Variants in PCDH12 observed in about 807,000 individuals in gnomAD.
The protein encoded by PCDH12 is protocadherin-12.
A neutral mutation model predicts 70.9 loss-of-function variants in PCDH12; 45 were observed. That is an observed-to-expected ratio of 0.63 (90% CI 0.50 to 0.81). The LOEUF (loss-of-function observed/expected upper bound fraction) is 0.81. Ranked by LOEUF, PCDH12 falls within the 40% of genes least tolerant of loss-of-function variation. The pLI, the probability that PCDH12 is intolerant of heterozygous loss-of-function variation, is 0.00. For missense variants in PCDH12, 1,370 were observed against 1,491.7 expected (o/e 0.92, Z 1.34); for synonymous variants, 567 against 626.0 (o/e 0.91, Z 1.41).
chr5:141,945,675 G>C lies in PCDH12; in HGVS notation c.3261C>G (p.Phe1087Leu), dbSNP rs940753620. ...GTGCCTCTGCCTTGCCGAACGTCTG[G>C]AAGGTCCTTGGCTCCTCCGTGGCTG... The part of the protein sequence containing the change: ...DAAATEEPRT[F>L]QTFGKAEAPE... Residue 1087 changes from phenylalanine to leucine, a missense_variant, in exon 4 of 4, where the codon TTC becomes TTG. Phe to Leu is a conservative substitution (Grantham distance 22, BLOSUM62 0). Transcript: ENST00000231484. The C allele has an allele frequency of 2.5e-6, 4 of 1,614,246 alleles. No homozygotes were observed. The Admixed American group carries it at 6.7e-5, about 27-fold the overall frequency.
rs766844969 is a variant in PCDH12, at chr5:141,945,615, G to A, written c.3321C>T (p.Ser1107=). The A allele has an allele frequency of 6.2e-7, 1 of 1,614,204 alleles. No homozygotes were observed. The highest frequency in any genetic ancestry group is 1.1e-5 in the South Asian group (1 of 91,082). The change falls in exon 4 of 4, where the codon AGC becomes AGT. Residue 1107 remains serine, a synonymous_variant. Transcript: ENST00000231484. ...GTGAGCTCATCTCCGAGACAAAGGT[G>A]CTGGCCAGCCTCGTGCCTGTTGGGC... is the stretch of plus-strand genomic sequence containing the variant. ...ELSPTGTRLA[S]TFVSEMSSLL...
Position 141,958,026 on chromosome 5 carries a change from G to T in PCDH12, c.-175C>A. 1 of 708,280 alleles carries T rather than the reference G, an allele frequency of 1.4e-6. No homozygotes were observed. Among genetic ancestry groups the T allele is most frequent in the Non-Finnish European group, 2.3e-6 (1 of 439,288 alleles). 43.9% of individuals were successfully genotyped at this position (708,280 alleles called of 1,614,324 possible). A position where few individuals can be genotyped will look rare whatever the true frequency, so the allele number is the denominator to read the frequency against. On this transcript the variant is annotated 5_prime_UTR_variant, in exon 1 of 4. Transcript: ENST00000231484. Reference sequence around the variant, plus strand: ...GAAACAAGCAGGACCCCAAGGCAAGGCCATCTTCATTGGAAGCGATCTGAG... The same window carrying T: ...GAAACAAGCAGGACCCCAAGGCAAGTCCATCTTCATTGGAAGCGATCTGAG...
At position 141,945,728 on chromosome 5, in the gene PCDH12, G is replaced by A. The variant is rs756063059; in HGVS notation, c.3208C>T (p.Arg1070Cys). 17 of 1,614,120 alleles carry A rather than the reference G, an allele frequency of 1.1e-5. No homozygotes were observed. In the African/African-American group the frequency reaches 1.2e-4, roughly 11 times the overall value. ...RLSLPLTTNY[R>C]DNVISPDAAA... The stretch of plus-strand genomic sequence containing the variant: ...GCATCCGGGGAGATCACATTGTCAC[G>A]GTAGTTGGTGGTGAGGGGCAAAGAG... Residue 1070 changes from arginine (R) to cysteine (C), a missense_variant, in exon 4 of 4, where the codon CGT becomes TGT. Physicochemically the swap from Arg to Cys is radical, Grantham distance 180 (BLOSUM62 -3). Transcript: ENST00000231484.
At chr5:141,946,887 A>T (rs970318222) in intron 3 of PCDH12, among the ~76,000 whole-genome samples, 7 of 136,136 alleles carry the variant, frequency 5.1e-5, no homozygotes, top group South Asian at 2.6e-4. Context: ...GTTAAGAAAC[A>T]GTGTCTTAAA....
Position 141,957,428 on chromosome 5 carries a change from G to C in PCDH12, c.424C>G (p.Leu142Val). Reference protein sequence around the residue: ...QPRFPKGEQELEISESASLRT... With the variant: ...QPRFPKGEQEVEISESASLRT... ...AGAGAGGCGCTCTCAGAGATTTCCA[G>C]CTCCTGCTCGCCTTTGGGAAACCGT... The change falls in exon 1 of 4, where the codon CTG becomes GTG. Residue 142 changes from leucine to valine, a missense_variant. By Grantham distance (32) the Leu-to-Val change is conservative (BLOSUM62 1). Coordinates refer to ENST00000231484, the MANE Select transcript of PCDH12 (RefSeq NM_016580.4). The surrounding 1 kb of genome is among the most constrained non-coding windows in gnomAD (Gnocchi z 4.3). The C allele has an allele frequency of 6.2e-7, 1 of 1,612,664 alleles. No individual in the cohort carries two copies. The highest frequency in any genetic ancestry group is 8.5e-7 in the Non-Finnish European group (1 of 1,179,316).
rs1752862855 is a variant in PCDH12 at position 141,944,817 on chromosome 5, G to C, written c.*564C>G. ...GGGGAACAGGGGTAAGAGCACACATGTCTGCTATTTGTGTACCTGTTACTG... is the reference window on the plus strand; with the variant it reads ...GGGGAACAGGGGTAAGAGCACACATCTCTGCTATTTGTGTACCTGTTACTG... On this transcript the variant is annotated 3_prime_UTR_variant, in exon 4 of 4. Coordinates refer to ENST00000231484, the MANE Select transcript of PCDH12 (RefSeq NM_016580.4). 1 of 153,368 alleles carries C rather than the reference G, an allele frequency of 6.5e-6. No individual in the cohort carries two copies. Among genetic ancestry groups the C allele is most frequent in the Non-Finnish European group, 1.5e-5 (1 of 68,946 alleles). The allele number at this position is 153,368 out of a possible 1,614,324, so 9.5% of individuals were successfully genotyped here.
chr5:141,949,112 T>C (rs1753017898), intron 3 of PCDH12, among the ~76,000 whole-genome samples: 1 of 151,198 alleles, frequency 6.6e-6, no homozygotes, highest in South Asian at 2.1e-4. Flanking sequence ...TAGTCCCAGC[T>C]ACTTGGGAGG....
At position 141,943,684 on chromosome 5, in the gene PCDH12, G is replaced by A. The variant is rs1432844918; in HGVS notation, c.*1697C>T. Reference sequence around the variant, plus strand: ...TTGCTTTGTAGCAGGCACCTGGCTGGTCAGGCTGGAGACCCTGCCTGCCTG... The same window carrying A: ...TTGCTTTGTAGCAGGCACCTGGCTGATCAGGCTGGAGACCCTGCCTGCCTG... On this transcript the variant is annotated 3_prime_UTR_variant, in exon 4 of 4. Transcript: ENST00000231484. 1.3e-5 allele frequency: 2 copies of A among 152,102 alleles called. No homozygotes were observed. Among genetic ancestry groups the A allele is most frequent in the African/African-American group, 4.8e-5 (2 of 41,406 alleles). The allele number at this position is 152,102 out of a possible 1,614,324, so 9.4% of individuals were successfully genotyped here. A position where few individuals can be genotyped will look rare whatever the true frequency, so the allele number is the denominator to read the frequency against.
At chr5:141,949,355 G>T in intron 3 of PCDH12, 77 bp downstream of exon 3, 1 of 1,504,580 alleles carries the variant, frequency 6.6e-7, no homozygotes. Context: ...TTTCCCTGCA[G>T]TGGATTGGAG....
At position 141,944,650 on chromosome 5, in the gene PCDH12, C is replaced by T. The variant is rs1230336272; in HGVS notation, c.*731G>A. On this transcript the variant is annotated 3_prime_UTR_variant, in exon 4 of 4. Transcript: ENST00000231484. ...CTGTGAAATGGGGTTAATAATACCT[C>T]CCTCCCAGGATTGTTGGAAAATCAA... 1 of 152,214 alleles carries T rather than the reference C, an allele frequency of 6.6e-6. No homozygotes were observed. Among genetic ancestry groups the T allele is most frequent in the East Asian group, 1.9e-4 (1 of 5,200 alleles). The allele number at this position is 152,214 out of a possible 1,614,324, so 9.4% of individuals were successfully genotyped here. A position where few individuals can be genotyped will look rare whatever the true frequency, so the allele number is the denominator to read the frequency against.
rs1752848284 is a variant in PCDH12, at chr5:141,944,258, C to T, written c.*1123G>A. On this transcript the variant is annotated 3_prime_UTR_variant, in exon 4 of 4. Coordinates refer to ENST00000231484, the MANE Select transcript of PCDH12 (RefSeq NM_016580.4). Reference sequence around the variant, plus strand: ...GCAATGACAGAGGAAGGTTTACCCGCAAATGGGGTTGGGAAAGATGACATC... The same window carrying T: ...GCAATGACAGAGGAAGGTTTACCCGTAAATGGGGTTGGGAAAGATGACATC... 1 of 152,194 alleles carries T rather than the reference C, an allele frequency of 6.6e-6. No individual in the cohort carries two copies. The highest frequency in any genetic ancestry group is 1.5e-5 in the Non-Finnish European group (1 of 68,054). The allele number at this position is 152,194 out of a possible 1,614,324, so 9.4% of individuals were successfully genotyped here.
Position 141,956,235 on chromosome 5 carries a change from G to C in PCDH12, c.1617C>G (p.Asp539Glu). The C allele has an allele frequency of 6.2e-7, 1 of 1,614,212 alleles. No individual in the cohort carries two copies. Among genetic ancestry groups the C allele is most frequent in the Non-Finnish European group, 8.5e-7 (1 of 1,180,028 alleles). Residue 539 changes from aspartate (D) to glutamate (E), a missense_variant, in exon 1 of 4, where the codon GAC becomes GAG. Transcript: ENST00000231484. Reference sequence around the variant, plus strand: ...TGGATGCAAGCATGGGTTGCCCGCTGTCCTCTGCGATCACCTGGAACTCAA... The same window carrying C: ...TGGATGCAAGCATGGGTTGCCCGCTCTCCTCTGCGATCACCTGGAACTCAA... Reference protein sequence around the residue: ...AGFEFQVIAEDSGQPMLASSV... With the variant: ...AGFEFQVIAEESGQPMLASSV...
chr5:141,947,289 T>G (rs1266072963), intron 3 of PCDH12, among the ~76,000 whole-genome samples: 1 of 152,254 alleles, frequency 6.6e-6, no homozygotes, highest in Non-Finnish European at 1.5e-5. Flanking sequence ...TGAACATAAA[T>G]ATTAACCTTC....
rs902920631 is a variant in PCDH12, at chr5:141,957,111, A to G, written c.741T>C (p.Ser247=). The G allele has an allele frequency of 5.0e-6, 8 of 1,613,772 alleles. No homozygotes were observed. In the Admixed American group the frequency reaches 6.7e-5, roughly 13 times the overall value. ...SNDNSPAFAE[S]SLALEIQEDA... is the part of the protein sequence containing the mutation. ...CTTCTTGGATTTCCAGTGCCAGTGA[A>G]CTCTCAGCAAACGCAGGGCTATTGT... The change falls in exon 1 of 4, where the codon AGT becomes AGC. Residue 247 remains serine (S), a synonymous_variant. Coordinates refer to ENST00000231484, the MANE Select transcript of PCDH12 (RefSeq NM_016580.4). This position sits in a 1 kb window ranked among gnomAD's most constrained non-coding sequence, Gnocchi z 4.3.
rs772078013 is a variant in PCDH12 at position 141,956,683 on chromosome 5, T to C, written c.1169A>G (p.His390Arg). ...DLDSGHNGLV[H>R]CWLSQELGHF... ...GCCCAGCTCTTGGCTCAGCCAGCAG[T>C]GGACCAAACCATTGTGTCCTGAATC... is the stretch of plus-strand genomic sequence containing the variant. The change falls in exon 1 of 4, where the codon CAC (histidine) becomes CGC (arginine). Residue 390 changes from histidine (H) to arginine (R), a missense_variant. By Grantham distance (29) the His-to-Arg change is conservative. Coordinates refer to ENST00000231484, the MANE Select transcript of PCDH12 (RefSeq NM_016580.4). The C allele has an allele frequency of 1.9e-6, 3 of 1,614,232 alleles. No homozygotes were observed. Among genetic ancestry groups the C allele is most frequent in the South Asian group, 1.1e-5 (1 of 91,086 alleles).
At chr5:141,954,949 A>G in intron 1 of PCDH12, 23 bp downstream of exon 1, 1 of 1,593,078 alleles carries the variant, frequency 6.3e-7, no homozygotes, top group Non-Finnish European at 8.6e-7. Flanking sequence ...GACCAGAGAA[A>G]GAGCTGCCCA....
Position 141,956,428 on chromosome 5 carries a change from G to A in PCDH12, c.1424C>T (p.Pro475Leu). 6.2e-7 allele frequency: 1 copy of A among 1,614,180 alleles called. No individual in the cohort carries two copies. The highest frequency in any genetic ancestry group is 8.5e-7 in the Non-Finnish European group (1 of 1,180,034). The part of the protein sequence containing the change: ...YEVSTRENNL[P>L]SLHLITIKAH... ...CTTGATGGTAATGAGGTGAAGAGAG[G>A]GTAAGTTGTTTTCCCGCGTGGAGAC... Residue 475 changes from proline to leucine, a missense_variant, in exon 1 of 4, where the codon CCC (proline) becomes CTC (leucine). Physicochemically the swap from Pro to Leu is moderately conservative, Grantham distance 98. Transcript: ENST00000231484.
Position 141,955,181 on chromosome 5 carries a change from C to G in PCDH12, c.2671G>C (p.Ala891Pro). 1.2e-6 allele frequency: 2 copies of G among 1,614,208 alleles called. No individual in the cohort carries two copies. Among genetic ancestry groups the G allele is most frequent in the Non-Finnish European group, 1.7e-6 (2 of 1,180,038 alleles). Reference protein sequence around the residue: ...KVAGSPTGRLAGDQGSEEAPQ... With the variant: ...KVAGSPTGRLPGDQGSEEAPQ... ...GCTTCCTCACTGCCCTGGTCTCCAG[C>G]CAGCCTCCCTGTGGGGCTGCCTGCA... is the stretch of plus-strand genomic sequence containing the variant. The change falls in exon 1 of 4, where the codon GCT becomes CCT. Residue 891 changes from alanine (A) to proline (P), a missense_variant. Coordinates refer to ENST00000231484, the MANE Select transcript of PCDH12 (RefSeq NM_016580.4). This position sits in a 1 kb window ranked among gnomAD's most constrained non-coding sequence, Gnocchi z 5.5.
chr5:141,943,708 T>C lies in PCDH12; in HGVS notation c.*1673A>G, dbSNP rs1752830350. The C allele has an allele frequency of 6.6e-6, 1 of 152,172 alleles. No individual in the cohort carries two copies. The highest frequency in any genetic ancestry group is 1.5e-5 in the Non-Finnish European group (1 of 68,022). 9.4% of individuals were successfully genotyped at this position (152,172 alleles called of 1,614,324 possible). On this transcript the variant is annotated 3_prime_UTR_variant, in exon 4 of 4. Transcript: ENST00000231484. ...GGTCAGGCTGGAGACCCTGCCTGCC[T>C]GCTTGATATCCCCCAGTTTCTCTCA...
Sources: allele counts gnomAD v4.1 joint callset (sites outside exome capture counted in the v4.1 genomes callset), GRCh38; gene constraint gnomAD v4.1.1; non-coding constraint Gnocchi (gnomAD v3.1); transcripts MANE v1.5; gene names NCBI Gene and HGNC (gene_info 2026-07-23, HGNC 2026-07-21).